TMEM114: variants seen among roughly 807,000 people sequenced by gnomAD.
TMEM114 encodes claudin-26.
In TMEM114, 6 loss-of-function variants were observed where a neutral mutation model predicts 6.2. The observed-to-expected ratio is 0.97, with a 90% CI of 0.53 to 1.91. The LOEUF (loss-of-function observed/expected upper bound fraction) is 1.91, where lower values mean the gene tolerates loss of function less well. Ranked by LOEUF, TMEM114 falls within the 40% of genes most tolerant of loss-of-function variation. The pLI is 0.01. For missense variants in TMEM114, 218 were observed against 158.3 expected (o/e 1.38, Z -2.02); for synonymous variants, 104 against 73.0 (o/e 1.42, Z -2.16).
chr16:8,550,807 G>C (rs1001621264), intron 2 of TMEM114, among the ~76,000 whole-genome samples: 3 of 151,618 alleles, frequency 2.0e-5, no homozygotes, highest in African/African-American at 7.3e-5. Context: ...ACACATGCTT[G>C]TGGCTGCTAG....
chr16:8,579,571 G>A (rs914364108), intron 2 of TMEM114, among the ~76,000 whole-genome samples: 2 of 152,106 alleles, frequency 1.3e-5, no homozygotes, highest in Admixed American at 6.6e-5. Flanking sequence ...GAGCAAAGAC[G>A]TGGGTTCAAA....
At chr16:8,575,140 G>A (rs1596310888) in intron 2 of TMEM114, among the ~76,000 whole-genome samples, 1 of 152,106 alleles carries the variant, frequency 6.6e-6, no homozygotes, top group East Asian at 1.9e-4. Flanking sequence ...TCAGAGTGAG[G>A]GGTTACAGTC....
chr16:8,560,805 T>A (rs964867881), intron 2 of TMEM114, among the ~76,000 whole-genome samples: 2 of 152,110 alleles, frequency 1.3e-5, no homozygotes. Context: ...AAAGTCAGCA[T>A]TGGGGACTGA....
chr16:8,545,570 G>T (rs1314246027), intron 2 of TMEM114, among the ~76,000 whole-genome samples: 3 of 152,004 alleles, frequency 2.0e-5, no homozygotes, highest in Non-Finnish European at 2.9e-5. Context: ...CCACCCAGAG[G>T]GCTACTCAAA....
intron 2 of TMEM114, among the ~76,000 whole-genome samples, chr16:8,554,864 G>A (rs1013320219): frequency 6.6e-6 from 1 of 152,202 alleles, no homozygotes; most frequent in African/African-American, 2.4e-5. Flanking sequence ...GTTGAGGGAC[G>A]AAGAGCTTAA....
chr16:8,551,244 G>A (rs1900834814), intron 2 of TMEM114, among the ~76,000 whole-genome samples: 1 of 152,126 alleles, frequency 6.6e-6, no homozygotes, highest in Admixed American at 6.5e-5. Flanking sequence ...TGAGGCAGGG[G>A]AAATGCAAGT....
At chr16:8,563,403 GAGTGAGTTAATT>G (rs1376845101) in intron 2 of TMEM114, among the ~76,000 whole-genome samples, 53 of 145,640 alleles carry the variant, frequency 3.6e-4, no homozygotes, top group African/African-American at 1.3e-3. Flanking sequence ...ATGAGTAAAC[GAGTGAGTTAATT>G]AGTGAGTGAA....
At chr16:8,561,722 T>C (rs1422107609) in intron 2 of TMEM114, among the ~76,000 whole-genome samples, 2 of 151,956 alleles carry the variant, frequency 1.3e-5, no homozygotes, top group Non-Finnish European at 2.9e-5. Flanking sequence ...AATGAATGAG[T>C]GAGGGAGGAA....
At chr16:8,570,610 G>A (rs140122738) in intron 3 of TMEM114, among the ~76,000 whole-genome samples, 14 of 152,278 alleles carry the variant, frequency 9.2e-5, no homozygotes, top group African/African-American at 2.6e-4. Context: ...GGGATTGCAG[G>A]CATGTTTGTG....
rs139085557 is a variant in TMEM114 at position 8,570,387 on chromosome 16, C to T, written c.440-382G>A. ...CTGGAGTGCAGCGGTGCGATCTCAG[C>T]TTGCTGCGATCTCAGCTTGCTGCAA... On this transcript the variant is annotated intron_variant, in intron 3 of 3. Transcript: ENST00000620492. Among the ~76,000 whole-genome samples, 506 of 152,106 alleles carry T rather than the reference C, an allele frequency of 3.3e-3. 4 individuals are homozygous for T. Among genetic ancestry groups the T allele is most frequent in the African/African-American group, 0.012 (494 of 41,434 alleles).
chr16:8,527,701 C>G, the TMEM114 span, among the ~76,000 whole-genome samples: 2 of 152,132 alleles, frequency 1.3e-5, no homozygotes, highest in South Asian at 4.1e-4. Context: ...GAAAAGGAAA[C>G]TATGCTCAGG....
chr16:8,540,671 C>T (rs1900492513), intron 2 of TMEM114, among the ~76,000 whole-genome samples: 1 of 152,172 alleles, frequency 6.6e-6, no homozygotes. Flanking sequence ...GCTCAGCATT[C>T]CACTAGGTAC....
intron 2 of TMEM114, among the ~76,000 whole-genome samples, chr16:8,552,867 G>C (rs955216443): frequency 6.6e-6 from 1 of 152,042 alleles, no homozygotes; most frequent in East Asian, 1.9e-4. Flanking sequence ...GGGCTTAACA[G>C]CTCCCAGGGC....
intron 2 of TMEM114, among the ~76,000 whole-genome samples, chr16:8,577,564 CT>C (rs1901983142): frequency 6.6e-6 from 1 of 151,550 alleles, no homozygotes; most frequent in African/African-American, 2.4e-5. Context: ...TTTCTTTTTT[CT>C]TTTTTGATTT....
chr16:8,540,363 G>T (rs558294567), intron 2 of TMEM114, among the ~76,000 whole-genome samples: 73 of 152,196 alleles, frequency 4.8e-4, no homozygotes, highest in Non-Finnish European at 1.5e-5. Context: ...TCGCCTGCTG[G>T]GTATCATTAT....
chr16:8,546,296 G>A (rs1900662905), intron 2 of TMEM114, among the ~76,000 whole-genome samples: 1 of 152,046 alleles, frequency 6.6e-6, no homozygotes, highest in South Asian at 2.1e-4. Flanking sequence ...CATATAATTT[G>A]CATTCCTTCT....
chr16:8,526,893 C>G, the TMEM114 span, among the ~76,000 whole-genome samples: 4 of 152,226 alleles, frequency 2.6e-5, no homozygotes, highest in Non-Finnish European at 2.9e-5. Flanking sequence ...GCTACCAACA[C>G]TTTAAACTTT....
chr16:8,565,859 T>C (rs558805718), downstream of TMEM114, among the ~76,000 whole-genome samples: 101 of 152,318 alleles, frequency 6.6e-4, no homozygotes, highest in African/African-American at 2.3e-3. Flanking sequence ...TAGCAACTGG[T>C]TGTTTTTTAA....
chr16:8,563,009 TGAA>T (rs1901327393), intron 2 of TMEM114, among the ~76,000 whole-genome samples: 1 of 127,824 alleles, frequency 7.8e-6, no homozygotes, highest in Non-Finnish European at 1.7e-5. Flanking sequence ...AGTGAGTGAA[TGAA>T]TGAGTGAGTG....
Sources: gnomAD v4.1 joint callset for allele counts (sites outside exome capture counted in the v4.1 genomes callset) on GRCh38, gnomAD v4.1.1 for gene constraint, MANE v1.5 for transcripts, NCBI Gene and HGNC (gene_info 2026-07-23, HGNC 2026-07-21) for gene names.